Variants in RBM33 observed in about 807,000 individuals in gnomAD.
RBM33 encodes the protein RNA binding motif protein 33, also known as RNA-binding protein 33.
RBM33 carries 28 observed loss-of-function variants against 132.6 expected under a neutral mutation model. That is an observed-to-expected ratio of 0.21 (90% confidence interval 0.16 to 0.29). RBM33 has a LOEUF of 0.29. Among genes scored for constraint, RBM33 ranks in the 10% least tolerant of loss-of-function variants. The pLI is 1.00. For missense variants in RBM33, 1,291 were observed against 1,518.5 expected, an observed-to-expected ratio of 0.85 and a Z score of 2.49; for synonymous variants, 634 against 593.0, an observed-to-expected ratio of 1.07 and a Z score of -1.01.
chr7:155,741,673 A>G, intron 12 of RBM33, 146 bp from the exon 13 acceptor site: 2 of 737,450 alleles, frequency 2.7e-6, no homozygotes, highest in Non-Finnish European at 4.4e-6. Context: ...TGAGAAAAAA[A>G]GTATGAGAAA....
chr7:155,753,888 A>G (rs949041905), intron 14 of RBM33, among the ~76,000 whole-genome samples: 8 of 152,230 alleles, frequency 5.3e-5, no homozygotes, highest in African/African-American at 7.2e-5. Flanking sequence ...AAAGAGTGAA[A>G]GAAAAATAGG....
At chr7:155,687,090 C>A (rs12111893) in intron 5 of RBM33, among the ~76,000 whole-genome samples, 1 of 152,150 alleles carries the variant, frequency 6.6e-6, no homozygotes, top group African/African-American at 2.4e-5. Context: ...GTTTACAGTC[C>A]CACCAACAGT....
rs762394522 is a variant in RBM33, at chr7:155,742,001, G to A, written c.2232G>A (p.Ser744=). The A allele has an allele frequency of 3.7e-6, 6 of 1,613,954 alleles. No homozygotes were observed. Among genetic ancestry groups the A allele is most frequent in the East Asian group, 2.2e-5 (1 of 44,870 alleles). Residue 744 remains serine, a synonymous_variant, in exon 13 of 18, where the codon TCG becomes TCA. Coordinates refer to ENST00000401878, the MANE Select transcript of RBM33 (RefSeq NM_053043.3). ...CTATCGTCAGCGCGTCACCACCCTC[G>A]CGGGCCGTGGCGGGTTCCAGAAGCT... ...VKPIVSASPP[S]RAVAGSRSSQ...
At chr7:155,768,079 TCTG>T (rs1412976985) in intron 16 of RBM33, among the ~76,000 whole-genome samples, 1 of 152,244 alleles carries the variant, frequency 6.6e-6, no homozygotes, top group African/African-American at 2.4e-5. Flanking sequence ...TTTGGGGCGA[TCTG>T]CACTTCCCTG....
At chr7:155,650,104 A>G (rs777077932) in intron 1 of RBM33, among the ~76,000 whole-genome samples, 3 of 152,208 alleles carry the variant, frequency 2.0e-5, no homozygotes, top group South Asian at 2.1e-4. Flanking sequence ...AACCCTGGCC[A>G]TCATCCCTTG....
chr7:155,646,384 A>G (rs528575909), intron 1 of RBM33, among the ~76,000 whole-genome samples: 1 of 152,368 alleles, frequency 6.6e-6, no homozygotes, highest in South Asian at 2.1e-4. Context: ...TTGCTATTTT[A>G]GAAGAATAAG....
chr7:155,701,207 C>T (rs1786691944), intron 6 of RBM33: 1 of 538,390 alleles, frequency 1.9e-6, no homozygotes, highest in South Asian at 2.6e-5. Flanking sequence ...CTGTGGCCTA[C>T]AGCTGCTCTT....
At chr7:155,741,321 C>G (rs190815943) in intron 12 of RBM33, among the ~76,000 whole-genome samples, 68 of 151,964 alleles carry the variant, frequency 4.5e-4, no homozygotes, top group South Asian at 4.2e-4. Context: ...CATTTCCTCT[C>G]GAGTAAAACG....
chr7:155,748,818 G>A (rs1470006900), intron 14 of RBM33, among the ~76,000 whole-genome samples: 1 of 152,050 alleles, frequency 6.6e-6, no homozygotes, highest in Non-Finnish European at 1.5e-5. Flanking sequence ...GAACATTTTC[G>A]AAAAGAGATG....
intron 1 of RBM33, among the ~76,000 whole-genome samples, chr7:155,661,126 G>GTATATATA (rs1416227541): frequency 1.4e-4 from 8 of 59,016 alleles, no homozygotes; most frequent in African/African-American, 4.2e-4. Flanking sequence ...GTGTGTGTGT[G>GTATATATA]TGTGTATATA....
intron 15 of RBM33, among the ~76,000 whole-genome samples, chr7:155,766,202 A>C (rs1332030805): frequency 6.6e-6 from 1 of 152,148 alleles, no homozygotes; most frequent in Non-Finnish European, 1.5e-5. Flanking sequence ...CAGAGTGCCC[A>C]CCGAGCACAA....
In RBM33 at chr7:155,711,184, A is replaced by G; in HGVS notation, c.949-19A>G. On this transcript the variant is annotated intron_variant, in intron 7 of 17. Coordinates refer to ENST00000401878, the MANE Select transcript of RBM33 (RefSeq NM_053043.3). ...TTTGTGATTTGTAGACTCATTCTCC[A>G]AGGTTAATTCCTCCACAGCCCCAGG... 6.7e-7 allele frequency: 1 copy of G among 1,493,150 alleles called. No individual in the cohort carries two copies. Among genetic ancestry groups the G allele is most frequent in the Non-Finnish European group, 8.9e-7 (1 of 1,120,298 alleles). 92.5% of individuals were successfully genotyped at this position (1,493,150 alleles called of 1,614,324 possible).
intron 2 of RBM33, among the ~76,000 whole-genome samples, chr7:155,665,581 C>T (rs1335014839): frequency 9.9e-5 from 15 of 152,216 alleles, no homozygotes. Flanking sequence ...TTAAGCTCTA[C>T]TTTGTACTGA....
chr7:155,751,983 C>T (rs1024283024), intron 14 of RBM33, among the ~76,000 whole-genome samples: 2 of 152,124 alleles, frequency 1.3e-5, no homozygotes, highest in Non-Finnish European at 2.9e-5. Flanking sequence ...TTATTTATGT[C>T]AGTGTGGGTG....
chr7:155,655,120 C>T (rs1798455977), intron 1 of RBM33, among the ~76,000 whole-genome samples: 1 of 152,184 alleles, frequency 6.6e-6, no homozygotes, highest in African/African-American at 2.4e-5. Context: ...GAACAGATAA[C>T]TACCATTGTA....
intron 11 of RBM33, 27 bp from the exon 12 acceptor site, chr7:155,739,688 T>G: frequency 7.2e-6 from 11 of 1,527,196 alleles, no homozygotes; most frequent in Non-Finnish European, 9.7e-6. Context: ...TTATGAACTG[T>G]TGTTTCTCTT....
At chr7:155,661,430 CAG>C (rs1798647813) in intron 1 of RBM33, among the ~76,000 whole-genome samples, 1 of 144,988 alleles carries the variant, frequency 6.9e-6, no homozygotes, top group Admixed American at 7.0e-5. Flanking sequence ...TTTTCCCAGA[CAG>C]AGTCTTGCTC....
chr7:155,685,189 TC>T (rs1247884206), intron 5 of RBM33: 5 of 856,900 alleles, frequency 5.8e-6, no homozygotes, highest in Non-Finnish European at 8.7e-6. Context: ...ACTTGAACTT[TC>T]TAGGCTCCTT....
At position 155,741,691 on chromosome 7, in the gene RBM33, C is replaced by T. The variant is rs1054062943; in HGVS notation, c.2050-128C>T. On this transcript the variant is annotated intron_variant, in intron 12 of 17. Transcript: ENST00000401878. The stretch of plus-strand genomic sequence containing the variant: ...GAAAAAAAGTATGAGAAAAAAGTAT[C>T]TGCTCCCCAAAAGAAGTCATTTACT... 7 of 868,616 alleles carry T rather than the reference C, an allele frequency of 8.1e-6. No individual in the cohort carries two copies. The Admixed American group carries it at 2.0e-4, about 24-fold the overall frequency. The allele number at this position is 868,616 out of a possible 1,614,324, so 53.8% of individuals were successfully genotyped here. A position where few individuals can be genotyped will look rare whatever the true frequency, so the allele number is the denominator to read the frequency against.
Sources: allele counts gnomAD v4.1 joint callset (sites outside exome capture counted in the v4.1 genomes callset), GRCh38; gene constraint gnomAD v4.1.1; transcripts MANE v1.5; gene names NCBI Gene and HGNC (gene_info 2026-07-23, HGNC 2026-07-21).